Variants in PRKN observed in about 807,000 individuals in gnomAD.
PRKN encodes the protein E3 ubiquitin-protein ligase parkin.
In PRKN, 56 loss-of-function variants were observed where a neutral mutation model predicts 59.5. The observed-to-expected ratio is 0.94, with a 90% CI of 0.76 to 1.18. The LOEUF is 1.18. Ranked by LOEUF, PRKN falls within the 50% of genes most tolerant of loss-of-function variation. The pLI is 0.00. For missense variants in PRKN, 657 were observed against 596.4 expected (o/e 1.10, Z -1.06); for synonymous variants, 250 against 222.1 (o/e 1.13, Z -1.12).
chr6:161,874,813 A>AAT (rs1190599137), intron 6 of PRKN, among the ~76,000 whole-genome samples: 4 of 27,532 alleles, frequency 1.5e-4, no homozygotes, highest in Admixed American at 8.3e-4. Flanking sequence ...AGATATATAA[A>AAT]ATGTATAATA....
chr6:162,319,312 A>C (rs1782884987), intron 2 of PRKN, among the ~76,000 whole-genome samples: 1 of 151,992 alleles, frequency 6.6e-6, no homozygotes, highest in Non-Finnish European at 1.5e-5. Context: ...AGCATCTGTA[A>C]TATTAATACA....
At chr6:162,626,182 G>T (rs1782882580) in intron 1 of PRKN, among the ~76,000 whole-genome samples, 2 of 152,072 alleles carry the variant, frequency 1.3e-5, no homozygotes. Flanking sequence ...GGTTAATCTG[G>T]TTTTTGCATG....
At chr6:161,536,067 CT>C (rs930756201) in intron 9 of PRKN, among the ~76,000 whole-genome samples, 7 of 151,790 alleles carry the variant, frequency 4.6e-5, no homozygotes, top group Admixed American at 6.6e-5. Context: ...TCAAATACTT[CT>C]TTTTTTTCCC....
intron 1 of PRKN, among the ~76,000 whole-genome samples, chr6:162,470,577 C>T (rs113204495): frequency 2.7e-5 from 4 of 149,628 alleles, no homozygotes; most frequent in South Asian, 2.1e-4. Flanking sequence ...GGCAACACTG[C>T]GAAACTCTGT....
chr6:161,614,526 A>C (rs1315128505), intron 7 of PRKN, among the ~76,000 whole-genome samples: 1 of 152,254 alleles, frequency 6.6e-6, no homozygotes, highest in Non-Finnish European at 1.5e-5. Context: ...ATATCTATTT[A>C]GAAGTGCACC....
At position 161,574,399 on chromosome 6, in the gene PRKN, A is replaced by C. The variant is rs149172185; in HGVS notation, c.872-4983T>G. On this transcript the variant is annotated intron_variant, in intron 7 of 11. Transcript: ENST00000366898. ...AATAGAGACCATGTCCGATCCTTCCATGCCCTTTAAGCATCACCTCCCTCA... is the reference window on the plus strand; with the variant it reads ...AATAGAGACCATGTCCGATCCTTCCCTGCCCTTTAAGCATCACCTCCCTCA... Among the ~76,000 whole-genome samples, 597 of 152,292 alleles carry C rather than the reference A, an allele frequency of 3.9e-3. 9 individuals are homozygous for C. Among genetic ancestry groups the C allele is most frequent in the East Asian group, 0.035 (180 of 5,178 alleles).
intron 9 of PRKN, among the ~76,000 whole-genome samples, chr6:161,403,519 C>G (rs1346533099): frequency 6.6e-6 from 1 of 152,162 alleles, no homozygotes; most frequent in Non-Finnish European, 1.5e-5. Context: ...CTTTATCTCA[C>G]AAGCATTTGT....
chr6:161,399,806 G>T lies in PRKN; in HGVS notation c.1084-12929C>A, dbSNP rs1786942336. On this transcript the variant is annotated intron_variant, in intron 9 of 11. Transcript: ENST00000366898. This position sits in a 1 kb window ranked among gnomAD's most constrained non-coding sequence, Gnocchi z 4.4. ...TTTGAAACCACCGTGAAAGGATACA[G>T]CCTAGAACAGTGCTGTCCAATTGAA... Among the ~76,000 whole-genome samples, 1 of 151,914 alleles carries T rather than the reference G, an allele frequency of 6.6e-6. No homozygotes were observed. The highest frequency in any genetic ancestry group is 2.4e-5 in the African/African-American group (1 of 41,310).
intron 6 of PRKN, among the ~76,000 whole-genome samples, chr6:161,899,465 C>T (rs1777800123): frequency 6.6e-6 from 1 of 152,056 alleles, no homozygotes; most frequent in Non-Finnish European, 1.5e-5. Flanking sequence ...AAATATTTAC[C>T]AAAGGCTCAG....
rs373697463 is a variant in PRKN, at chr6:161,882,778, T to A, written c.734+90524A>T. 4.4e-4 allele frequency among the ~76,000 whole-genome samples: 66 copies of A among 151,164 alleles called. 1 individual carries two copies. In the South Asian group the frequency reaches 0.013, roughly 30 times the overall value. On this transcript the variant is annotated intron_variant, in intron 6 of 11. Transcript: ENST00000366898. ...CAGCACTTTGGGAGGCCGAGGTGGG[T>A]GGATCACTTGAGGTCAGGAGTTCGA...
intron 1 of PRKN, among the ~76,000 whole-genome samples, chr6:162,701,248 T>C (rs1778141402): frequency 6.6e-6 from 1 of 152,078 alleles, no homozygotes; most frequent in Non-Finnish European, 1.5e-5. Context: ...AAAGCAGCTG[T>C]TGCTTCGGAC....
chr6:161,704,544 C>A (rs1283954185), intron 7 of PRKN, among the ~76,000 whole-genome samples: 1 of 152,118 alleles, frequency 6.6e-6, no homozygotes, highest in Non-Finnish European at 1.5e-5. Flanking sequence ...ACAGTCTTGT[C>A]CCACAGGTCT....
chr6:162,650,086 T>C (rs538947816), intron 1 of PRKN, among the ~76,000 whole-genome samples: 32 of 152,318 alleles, frequency 2.1e-4, no homozygotes, highest in Admixed American at 4.6e-4. Flanking sequence ...TAAAAGTGAC[T>C]TTAGGTTTAC....
intron 7 of PRKN, among the ~76,000 whole-genome samples, chr6:161,779,948 A>G (rs889605235): frequency 6.6e-6 from 1 of 152,148 alleles, no homozygotes; most frequent in African/African-American, 2.4e-5. Flanking sequence ...TTTCTCTGTA[A>G]ATATACACAT....
At chr6:161,705,722 C>A in intron 7 of PRKN, among the ~76,000 whole-genome samples, 1 of 152,090 alleles carries the variant, frequency 6.6e-6, no homozygotes, top group East Asian at 1.9e-4. Context: ...TATACCGTAC[C>A]AAGCTAAAGG....
chr6:162,155,195 T>A (rs1782456057), intron 4 of PRKN, among the ~76,000 whole-genome samples: 2 of 152,136 alleles, frequency 1.3e-5, no homozygotes, highest in Non-Finnish European at 2.9e-5. Flanking sequence ...ATTTGGTTAA[T>A]CCCTGGCAGT....
rs188300913 is a variant in PRKN, at chr6:161,419,966, T to C, written c.1084-33089A>G. ...TTTAAGAACTTGATAAGGCTGGGCG[T>C]GGTGGCTCACGCCTGTAATCCCAGC... On this transcript the variant is annotated intron_variant, in intron 9 of 11. Transcript: ENST00000366898. This position sits in a 1 kb window ranked among gnomAD's most constrained non-coding sequence, Gnocchi z 4.1. Among the ~76,000 whole-genome samples, 254 of 151,932 alleles carry C rather than the reference T, an allele frequency of 1.7e-3. 2 individuals carry two copies. Among genetic ancestry groups the C allele is most frequent in the African/African-American group, 5.9e-3 (245 of 41,484 alleles).
At chr6:162,101,515 T>C (rs1305580265) in intron 4 of PRKN, among the ~76,000 whole-genome samples, 1 of 150,274 alleles carries the variant, frequency 6.7e-6, no homozygotes, top group Non-Finnish European at 1.5e-5. Context: ...AAAAAAAAAA[T>C]ACAAAAATTA....
intron 1 of PRKN, among the ~76,000 whole-genome samples, chr6:162,623,221 T>C (rs544126166): frequency 1.3e-5 from 2 of 152,224 alleles, no homozygotes; most frequent in Non-Finnish European, 2.9e-5. Flanking sequence ...ATTTTGAGAA[T>C]GATTCATGTA....
Sources: allele counts gnomAD v4.1 joint callset (sites outside exome capture counted in the v4.1 genomes callset), GRCh38; gene constraint gnomAD v4.1.1; non-coding constraint Gnocchi (gnomAD v3.1); transcripts MANE v1.5; gene names NCBI Gene and HGNC (gene_info 2026-07-23, HGNC 2026-07-21).